FBXL18: variants seen among roughly 807,000 people sequenced by gnomAD.
FBXL18 encodes F-box and leucine rich repeat protein 18, also known as F-box/LRR-repeat protein 18.
In FBXL18, 36 loss-of-function variants were observed where a neutral mutation model predicts 46.0. The ratio of observed to expected loss-of-function variants is 0.78; its 90% CI spans 0.60 to 1.03. The LOEUF is 1.03. FBXL18 is among the 50% of genes least tolerant of loss of function. FBXL18 has a pLI of 0.00. For synonymous variants in FBXL18, 557 were observed against 465.3 expected (o/e 1.20, Z -2.54); for missense variants, 977 against 1,004.1 (o/e 0.97, Z 0.36).
chr7:5,500,710 C>T lies in FBXL18; in HGVS notation c.1559G>A (p.Gly520Glu). The change falls in exon 3 of 5, where the codon GGG becomes GAG. Residue 520 changes from glycine to glutamate, a missense_variant. Gly to Glu is a moderately conservative substitution (Grantham distance 98). Transcript: ENST00000382368. ...LPPCSRAQSV[G>E]DSEVAAIGQL... ...GCCGATGGCGGCCACCTCCGAGTCC[C>T]CGACACTCTGTGCGCGGCTGCAGGG... 1 of 1,611,636 alleles carries T rather than the reference C, an allele frequency of 6.2e-7. No homozygotes were observed. Among genetic ancestry groups the T allele is most frequent in the South Asian group, 1.1e-5 (1 of 90,938 alleles).
intron 4 of FBXL18, among the ~76,000 whole-genome samples, chr7:5,487,286 T>C (rs1376474998): frequency 6.6e-6 from 1 of 152,234 alleles, no homozygotes; most frequent in Non-Finnish European, 1.5e-5. Context: ...GGTACAGGTG[T>C]CCGTGGACGG....
intron 4 of FBXL18, among the ~76,000 whole-genome samples, chr7:5,459,939 A>G (rs1350311807): frequency 6.6e-6 from 1 of 151,952 alleles, no homozygotes; most frequent in Non-Finnish European, 1.5e-5. Flanking sequence ...TAAATGGCAC[A>G]AGGGCATAGC....
At chr7:5,471,030 AC>A, downstream of FBXL18, among the ~76,000 whole-genome samples, 2 of 152,282 alleles carry the variant, frequency 1.3e-5, no homozygotes, top group Admixed American at 1.3e-4. Flanking sequence ...CGACACGCTA[AC>A]CACCACTAGC....
At chr7:5,489,940 G>A (rs1256849698) in intron 4 of FBXL18, 1 of 1,244,736 alleles carries the variant, frequency 8.0e-7, no homozygotes, top group African/African-American at 1.5e-5. Context: ...GTGAGACTCT[G>A]TCTCAAACAA....
chr7:5,472,973 T>G (rs1783453884), downstream of FBXL18, among the ~76,000 whole-genome samples: 1 of 152,098 alleles, frequency 6.6e-6, no homozygotes, highest in African/African-American at 2.4e-5. Flanking sequence ...AAGGAAGGGC[T>G]CCTGGGCTTC....
At chr7:5,511,132 G>C (rs1056919470) in intron 1 of FBXL18, among the ~76,000 whole-genome samples, 5 of 152,108 alleles carry the variant, frequency 3.3e-5, no homozygotes, top group Non-Finnish European at 7.4e-5. Context: ...CAAAAGTGAA[G>C]CAAAAGTAAG....
rs1247014768 is a variant in FBXL18 at position 5,481,125 on chromosome 7, T to A, written c.*650A>T. Reference sequence around the variant, plus strand: ...TCACAGGAGAGGCTCCAACCAGCAGTCCCAACCTCAGGGGACCTCTCTGGG... The same window carrying A: ...TCACAGGAGAGGCTCCAACCAGCAGACCCAACCTCAGGGGACCTCTCTGGG... On this transcript the variant is annotated 3_prime_UTR_variant, in exon 5 of 5. Coordinates refer to ENST00000382368, the MANE Select transcript of FBXL18 (RefSeq NM_024963.6). 6.6e-6 allele frequency: 1 copy of A among 152,048 alleles called. No individual in the cohort carries two copies. The highest frequency in any genetic ancestry group is 1.5e-5 in the Non-Finnish European group (1 of 68,062). The allele number at this position is 152,048 out of a possible 1,614,324, so 9.4% of individuals were successfully genotyped here.
At chr7:5,468,827 C>A (rs1326803901) in intron 4 of FBXL18, among the ~76,000 whole-genome samples, 1 of 151,918 alleles carries the variant, frequency 6.6e-6, no homozygotes, top group Non-Finnish European at 1.5e-5. Context: ...TCTCAAATTC[C>A]TGGCCTCAAG....
downstream of FBXL18, among the ~76,000 whole-genome samples, chr7:5,474,833 G>A (rs1171703899): frequency 2.7e-5 from 4 of 150,388 alleles, no homozygotes; most frequent in South Asian, 2.1e-4. Flanking sequence ...TCAGCCTCCC[G>A]AGCAGCTGGG....
At chr7:5,482,197 C>T (rs1310963802) in intron 4 of FBXL18, among the ~76,000 whole-genome samples, 1 of 152,190 alleles carries the variant, frequency 6.6e-6, no homozygotes, top group Non-Finnish European at 1.5e-5. Context: ...ATGCCAGCCA[C>T]GAGGATCAGA....
rs572237193 is a variant in FBXL18, at chr7:5,469,758, G to A, written c.2000+21473C>T. On this transcript the variant is annotated intron_variant and NMD_transcript_variant, in intron 4 of 6. Transcript: ENST00000415009. ...AGCAGAGGTGTGTCTGTGTGGCTGG[G>A]GTGGAGGTGTGGACTCAGGCGGTGT... is the stretch of plus-strand genomic sequence containing the variant. Among the ~76,000 whole-genome samples the A allele has an allele frequency of 2.6e-4, 40 of 152,142 alleles. No homozygotes were observed. In the East Asian group the frequency reaches 7.5e-3, roughly 29 times the overall value.
In FBXL18 at chr7:5,480,279, A is replaced by G. The variant is rs1201553476; in HGVS notation, c.*1496T>C. Reference sequence around the variant, plus strand: ...AGCGGCCAGGGCGGCGGTCCAGGCTAGCAGGGCCCAACTACAGCCCCCTTT... The same window carrying G: ...AGCGGCCAGGGCGGCGGTCCAGGCTGGCAGGGCCCAACTACAGCCCCCTTT... On this transcript the variant is annotated 3_prime_UTR_variant, in exon 5 of 5. Coordinates refer to ENST00000382368, the MANE Select transcript of FBXL18 (RefSeq NM_024963.6). Among the ~76,000 whole-genome samples the G allele has an allele frequency of 6.6e-6, 1 of 152,128 alleles. No individual in the cohort carries two copies. Among genetic ancestry groups the G allele is most frequent in the Admixed American group, 6.5e-5 (1 of 15,272 alleles).
chr7:5,460,026 G>A (rs1330777396), intron 4 of FBXL18, among the ~76,000 whole-genome samples: 1 of 152,160 alleles, frequency 6.6e-6, no homozygotes, highest in East Asian at 1.9e-4. Context: ...TTGGGAGGCT[G>A]AGGCGGAAGG....
chr7:5,499,907 A>AAT (rs1381565439), intron 3 of FBXL18, among the ~76,000 whole-genome samples: 3 of 151,530 alleles, frequency 2.0e-5, no homozygotes, highest in Admixed American at 6.6e-5. Flanking sequence ...CAATTTTAAA[A>AAT]ATATATATAT....
chr7:5,491,446 C>T lies in FBXL18; in HGVS notation c.1785G>A (p.Leu595=). 6.3e-7 allele frequency: 1 copy of T among 1,575,806 alleles called. No individual in the cohort carries two copies. Among genetic ancestry groups the T allele is most frequent in the Non-Finnish European group, 8.6e-7 (1 of 1,161,732 alleles). ...KHCKRLRDLR[L]EQPYFSANAQ... ...CGTTGGCGCTGAAGTAGGGCTGCTC[C>T]AGCCTGCGGGGAGAGAGGGCAGCTG... The change falls in exon 4 of 5, where the codon CTG becomes CTA. Residue 595 remains leucine, a synonymous_variant. Transcript: ENST00000382368.
intron 4 of FBXL18, among the ~76,000 whole-genome samples, chr7:5,485,061 T>G (rs918117917): frequency 6.6e-6 from 1 of 152,040 alleles, no homozygotes; most frequent in Non-Finnish European, 1.5e-5. Context: ...CGATGACAGG[T>G]GTGAGCCATG....
rs1321536473 is a variant in FBXL18, at chr7:5,501,837, C to T, written c.432G>A (p.Gln144=). 5.0e-6 allele frequency: 8 copies of T among 1,595,444 alleles called. No homozygotes were observed. The highest frequency in any genetic ancestry group is 6.8e-6 in the Non-Finnish European group (8 of 1,172,396). The change falls in exon 3 of 5, where the codon CAG becomes CAA. Residue 144 remains glutamine (Q), a synonymous_variant. Transcript: ENST00000382368. The stretch of plus-strand genomic sequence containing the variant: ...CGTCGATGGCCAGCGAGCGCAGGTG[C>T]TGCAGGGCCGAGAGCATCTTGGAGA... ...LRLSKMLSAL[Q]HLRSLAIDVS...
intron 4 of FBXL18, among the ~76,000 whole-genome samples, chr7:5,463,004 T>TATATATATATATATAA (rs1221961422): frequency 1.2e-5 from 1 of 83,892 alleles, no homozygotes; most frequent in Non-Finnish European, 2.5e-5. Flanking sequence ...ATAATATATA[T>TATATATATATATATAA]ACACACACAC....
Position 5,501,516 on chromosome 7 carries a change from C to G in FBXL18, c.753G>C (p.Leu251=). 1 of 1,613,914 alleles carries G rather than the reference C, an allele frequency of 6.2e-7. No homozygotes were observed. The highest frequency in any genetic ancestry group is 1.1e-5 in the South Asian group (1 of 91,078). ...YINQEVVRLY[L]AVLSDRTPQN... ...GAGGAGTGCGGTCGCTAAGCACAGC[C>G]AGGTAGAGCCGCACCACCTCCTGGT... The change falls in exon 3 of 5, where the codon CTG becomes CTC. Residue 251 remains leucine, a synonymous_variant. Coordinates refer to ENST00000382368, the MANE Select transcript of FBXL18 (RefSeq NM_024963.6).
Sources: gnomAD v4.1 joint callset for allele counts (sites outside exome capture counted in the v4.1 genomes callset) on GRCh38, gnomAD v4.1.1 for gene constraint, MANE v1.5 for transcripts, NCBI Gene and HGNC (gene_info 2026-07-23, HGNC 2026-07-21) for gene names.